The following ARSB variants were observed in gnomAD, a reference collection of about 807,000 sequenced individuals.
The protein encoded by ARSB is N-acetylgalactosamine-4-sulfatase.
ARSB carries 41 observed loss-of-function variants against 50.9 expected under a neutral mutation model. The ratio of observed to expected loss-of-function variants is 0.81; its 90% CI spans 0.63 to 1.04. The LOEUF (loss-of-function observed/expected upper bound fraction) is 1.04. ARSB is among the 50% of genes least tolerant of loss of function. The pLI is 0.00. For missense variants in ARSB, 672 were observed against 693.3 expected (o/e 0.97, Z 0.35); for synonymous variants, 269 against 284.8 (o/e 0.94, Z 0.56).
intron 4 of ARSB, among the ~76,000 whole-genome samples, chr5:78,953,870 T>C (rs897015751): frequency 6.6e-6 from 1 of 152,112 alleles, no homozygotes; most frequent in African/African-American, 2.4e-5. Context: ...TACATATATA[T>C]ACACACACAC....
intron 6 of ARSB, among the ~76,000 whole-genome samples, chr5:78,804,377 T>C (rs562490519): frequency 7.2e-4 from 109 of 152,282 alleles, no homozygotes; most frequent in African/African-American, 2.5e-3. Flanking sequence ...AGGACTTACT[T>C]GGTCAATGTC....
chr5:78,964,293 G>C (rs1752117116), intron 3 of ARSB, 123 bp downstream of exon 3: 1 of 996,134 alleles, frequency 1.0e-6, no homozygotes, highest in Non-Finnish European at 1.5e-6. Flanking sequence ...TGTATAATTT[G>C]AAAAGGACTT....
chr5:78,782,691 C>T lies in ARSB; in HGVS notation c.1214-717G>A, dbSNP rs141561708. Among the ~76,000 whole-genome samples, 34 of 152,256 alleles carry T rather than the reference C, an allele frequency of 2.2e-4. No homozygotes were observed. In the East Asian group the frequency reaches 6.2e-3, roughly 28 times the overall value. ...AACCAATTAAGAGGTAGAAGATAGACAGATGGAACAAAAAATACTGCTTTT... is the reference window on the plus strand; with the variant it reads ...AACCAATTAAGAGGTAGAAGATAGATAGATGGAACAAAAAATACTGCTTTT... On this transcript the variant is annotated intron_variant, in intron 6 of 7. Transcript: ENST00000264914.
intron 6 of ARSB, among the ~76,000 whole-genome samples, chr5:78,822,031 C>T (rs1422948632): frequency 1.3e-5 from 2 of 152,112 alleles, no homozygotes; most frequent in African/African-American, 4.8e-5. Flanking sequence ...ACATTTATTT[C>T]CCCTGAAGCA....
chr5:78,961,915 C>T (rs1204868609), intron 3 of ARSB, among the ~76,000 whole-genome samples: 1 of 151,994 alleles, frequency 6.6e-6, no homozygotes. Flanking sequence ...TTGGGTCCCA[C>T]CTCAGACCAA....
At chr5:78,853,941 A>G (rs552760700) in intron 5 of ARSB, among the ~76,000 whole-genome samples, 121 of 152,298 alleles carry the variant, frequency 7.9e-4, no homozygotes, top group African/African-American at 1.9e-3. Flanking sequence ...GGAGTGACCC[A>G]ATTTTCCAGG....
chr5:78,794,185 T>C (rs1002364228), intron 6 of ARSB, among the ~76,000 whole-genome samples: 2 of 152,210 alleles, frequency 1.3e-5, no homozygotes, highest in African/African-American at 4.8e-5. Context: ...ATAGGTGCTG[T>C]AGTGGATTCT....
chr5:78,912,524 C>A (rs1291776023), intron 4 of ARSB, among the ~76,000 whole-genome samples: 1 of 152,178 alleles, frequency 6.6e-6, no homozygotes, highest in Non-Finnish European at 1.5e-5. Context: ...TCAGTTTTAT[C>A]TGTAGGAGGT....
chr5:78,881,692 A>C (rs1380206593), intron 5 of ARSB, among the ~76,000 whole-genome samples: 1 of 152,260 alleles, frequency 6.6e-6, no homozygotes, highest in African/African-American at 2.4e-5. Context: ...GCTATGAGGA[A>C]GATGAGCACT....
chr5:78,959,259 A>G (rs868185700), intron 3 of ARSB, among the ~76,000 whole-genome samples: 19 of 151,978 alleles, frequency 1.3e-4, no homozygotes, highest in African/African-American at 4.6e-4. Context: ...ACACCATTGT[A>G]AGTTTCCTGA....
intron 5 of ARSB, among the ~76,000 whole-genome samples, chr5:78,855,157 T>C (rs1425877266): frequency 2.0e-5 from 3 of 152,178 alleles, no homozygotes; most frequent in Non-Finnish European, 4.4e-5. Flanking sequence ...GGACACAGGA[T>C]ACCATGTCAG....
At chr5:78,967,167 C>T (rs75880347) in intron 2 of ARSB, among the ~76,000 whole-genome samples, 1,607 of 152,252 alleles carry the variant, frequency 0.011, 35 homozygotes, top group African/African-American at 0.037. Flanking sequence ...TACCTCAAAA[C>T]ATCTACAAGA....
chr5:78,939,295 T>A (rs62377863), intron 4 of ARSB, among the ~76,000 whole-genome samples: 3 of 144,892 alleles, frequency 2.1e-5, no homozygotes, highest in Non-Finnish European at 3.0e-5. Context: ...TTTTTTTTTT[T>A]AATACTTTAA....
intron 4 of ARSB, among the ~76,000 whole-genome samples, chr5:78,892,836 T>C (rs1320724860): frequency 6.6e-6 from 1 of 152,196 alleles, no homozygotes; most frequent in Admixed American, 6.5e-5. Context: ...GACCACCAGC[T>C]CAGACACTAA....
chr5:78,905,910 C>CAAAAA (rs57651882), intron 4 of ARSB, among the ~76,000 whole-genome samples: 8 of 94,430 alleles, frequency 8.5e-5, no homozygotes, highest in African/African-American at 3.4e-4. Flanking sequence ...AGCAAAGTAG[C>CAAAAA]AAAAAAAAAA....
chr5:78,982,272 A>G (rs181598094), intron 1 of ARSB, among the ~76,000 whole-genome samples: 2 of 152,376 alleles, frequency 1.3e-5, no homozygotes, highest in Admixed American at 6.5e-5. Context: ...TGAGACAGTC[A>G]AAAAATTCCT....
At chr5:78,980,873 T>C (rs1423870606) in intron 1 of ARSB, among the ~76,000 whole-genome samples, 3 of 152,074 alleles carry the variant, frequency 2.0e-5, no homozygotes, top group Admixed American at 6.5e-5. Flanking sequence ...AAATAATGAA[T>C]GAATGAGTCA....
intron 5 of ARSB, among the ~76,000 whole-genome samples, chr5:78,861,721 T>C (rs527867138): frequency 8.1e-4 from 123 of 152,228 alleles, no homozygotes; most frequent in African/African-American, 2.5e-3. Flanking sequence ...GATGCCCTCT[T>C]TCACCACTCC....
At chr5:78,894,224 A>C (rs1333566456) in intron 4 of ARSB, among the ~76,000 whole-genome samples, 1 of 152,234 alleles carries the variant, frequency 6.6e-6, no homozygotes, top group Non-Finnish European at 1.5e-5. Flanking sequence ...CAGGTGTACT[A>C]ACAACTTGCG....
Sources: gnomAD v4.1 joint callset for allele counts (sites outside exome capture counted in the v4.1 genomes callset) on GRCh38, gnomAD v4.1.1 for gene constraint, MANE v1.5 for transcripts, NCBI Gene and HGNC (gene_info 2026-07-23, HGNC 2026-07-21) for gene names.